The following CRTAC1 variants were observed in gnomAD, a reference collection of about 807,000 sequenced individuals.
CRTAC1 encodes acidic secreted protein in cartilage.
A neutral mutation model predicts 67.8 loss-of-function variants in CRTAC1; 37 were observed. That is an observed-to-expected ratio of 0.55 (90% CI 0.42 to 0.72). The LOEUF (loss-of-function observed/expected upper bound fraction) is 0.72, where lower values mean the gene tolerates loss of function less well. CRTAC1 is among the 30% of genes least tolerant of loss of function. The pLI, the probability that CRTAC1 is intolerant of heterozygous loss-of-function variation, is 0.00. For synonymous variants in CRTAC1, 348 were observed against 371.0 expected (o/e 0.94, Z 0.71); for missense variants, 780 against 931.6 (o/e 0.84, Z 2.12).
intron 1 of CRTAC1, among the ~76,000 whole-genome samples, chr10:98,014,626 A>G (rs1328156828): frequency 6.6e-6 from 1 of 152,230 alleles, no homozygotes; most frequent in African/African-American, 2.4e-5. Context: ...CAAAAAAACT[A>G]AACAACCTGA....
intron 6 of CRTAC1, 82 bp from the exon 7 acceptor site, chr10:97,904,896 A>G (rs2050590078): frequency 7.0e-7 from 1 of 1,432,730 alleles, no homozygotes; most frequent in Non-Finnish European, 9.2e-7. Flanking sequence ...CTCTGTGACA[A>G]GCAACTAGGG....
chr10:98,011,400 A>G, intron 1 of CRTAC1, 63 bp from the exon 2 acceptor site: 27 of 1,600,004 alleles, frequency 1.7e-5, no homozygotes, highest in Non-Finnish European at 2.2e-5. Flanking sequence ...CCGGAACATT[A>G]AAGTCCTGGG....
chr10:97,925,707 T>G (rs1255410024), intron 3 of CRTAC1, among the ~76,000 whole-genome samples: 5 of 54,692 alleles, frequency 9.1e-5, no homozygotes, highest in African/African-American at 1.5e-4. Flanking sequence ...TGTGGGGGGA[T>G]GAGTGAGTGT....
At chr10:98,014,647 ATGACT>A (rs1842962662) in intron 1 of CRTAC1, among the ~76,000 whole-genome samples, 1 of 152,190 alleles carries the variant, frequency 6.6e-6, no homozygotes, top group African/African-American at 2.4e-5. Context: ...CTCAAAACAA[ATGACT>A]TGAATAGACA....
chr10:97,968,317 A>G (rs1459458261), intron 2 of CRTAC1, among the ~76,000 whole-genome samples: 1 of 152,142 alleles, frequency 6.6e-6, no homozygotes, highest in Non-Finnish European at 1.5e-5. Flanking sequence ...ATTTTGGCTC[A>G]CTGCAACCTC....
intron 14 of CRTAC1, chr10:97,868,385 CTG>C (rs1049495060): frequency 1.3e-5 from 2 of 152,414 alleles, no homozygotes; most frequent in Admixed American, 1.3e-4. Flanking sequence ...AGTGCCCACT[CTG>C]TTACCACAGG....
intron 11 of CRTAC1, among the ~76,000 whole-genome samples, chr10:97,891,302 T>A (rs997043746): frequency 8.5e-5 from 13 of 152,148 alleles, no homozygotes; most frequent in African/African-American, 2.4e-4. Context: ...AAAAAAAAAA[T>A]TTCCCAAACA....
intron 1 of CRTAC1, among the ~76,000 whole-genome samples, chr10:98,017,422 G>A (rs1843021643): frequency 6.6e-6 from 1 of 152,146 alleles, no homozygotes; most frequent in African/African-American, 2.4e-5. Context: ...TAAGGGATGT[G>A]GGCTTCTCCT....
intron 11 of CRTAC1, among the ~76,000 whole-genome samples, chr10:97,892,225 A>T (rs1410058911): frequency 6.6e-6 from 1 of 152,216 alleles, no homozygotes; most frequent in Non-Finnish European, 1.5e-5. Context: ...TTCTGGCCAG[A>T]GAAGGGACCA....
intron 8 of CRTAC1, among the ~76,000 whole-genome samples, chr10:97,899,305 C>A (rs1458978979): frequency 2.6e-5 from 4 of 152,204 alleles, no homozygotes; most frequent in East Asian, 3.8e-4. Flanking sequence ...ACACACTAAC[C>A]CATTGGGCAG....
At chr10:97,881,299 G>A (rs565914095) in intron 13 of CRTAC1, among the ~76,000 whole-genome samples, 10 of 152,180 alleles carry the variant, frequency 6.6e-5, no homozygotes, top group Non-Finnish European at 1.3e-4. Flanking sequence ...CCTGTCTCCC[G>A]CTTTTCACTC....
intron 2 of CRTAC1, among the ~76,000 whole-genome samples, chr10:97,981,493 C>T (rs563990868): frequency 6.6e-6 from 1 of 152,322 alleles, no homozygotes; most frequent in African/African-American, 2.4e-5. Flanking sequence ...CACATAATAT[C>T]TCATCACATT....
rs924204813 is a variant in CRTAC1, at chr10:97,901,577, A to G, written c.1059T>C (p.Phe353=). 4 of 1,614,108 alleles carry G rather than the reference A, an allele frequency of 2.5e-6. No individual in the cohort carries two copies. The highest frequency in any genetic ancestry group is 3.3e-5 in the Admixed American group (2 of 60,008). ...AGATCTCCAGCTCCTGGTCATTGTC[A>G]AAGTCGGCGGTGATGACCGTGCGGA... The part of the protein sequence containing the change: ...SPVRTVITAD[F]DNDQELEIFF... The change falls in exon 8 of 15, where the codon TTT becomes TTC. Residue 353 remains phenylalanine (F), a synonymous_variant. Coordinates refer to ENST00000370597, the MANE Select transcript of CRTAC1 (RefSeq NM_018058.7).
At chr10:97,888,850 T>C (rs1053958660) in intron 11 of CRTAC1, among the ~76,000 whole-genome samples, 2 of 152,154 alleles carry the variant, frequency 1.3e-5, no homozygotes, top group African/African-American at 4.8e-5. Context: ...GAGTCACCTC[T>C]GGCAGCTTTT....
At chr10:98,000,806 G>A (rs1451438693) in intron 2 of CRTAC1, among the ~76,000 whole-genome samples, 1 of 152,150 alleles carries the variant, frequency 6.6e-6, no homozygotes, top group Non-Finnish European at 1.5e-5. Flanking sequence ...TGGAAATTGA[G>A]AAAACAAAAT....
chr10:98,001,810 C>T (rs969473496), intron 2 of CRTAC1, among the ~76,000 whole-genome samples: 1 of 152,126 alleles, frequency 6.6e-6, no homozygotes, highest in Non-Finnish European at 1.5e-5. Context: ...CAAAAGTTTC[C>T]TTAGAGGGAA....
chr10:97,869,020 T>C (rs938990713), intron 14 of CRTAC1: 1 of 152,218 alleles, frequency 6.6e-6, no homozygotes. Context: ...GTTAAGTAAC[T>C]GGGAAATTGC....
At chr10:97,929,586 T>C (rs1377597181) in intron 3 of CRTAC1, among the ~76,000 whole-genome samples, 1 of 152,118 alleles carries the variant, frequency 6.6e-6, no homozygotes, top group Non-Finnish European at 1.5e-5. Context: ...GCTGGGGAAG[T>C]AGCCAGCAAC....
At chr10:97,948,120 A>C (rs947408247) in intron 2 of CRTAC1, among the ~76,000 whole-genome samples, 1 of 152,090 alleles carries the variant, frequency 6.6e-6, no homozygotes, top group African/African-American at 2.4e-5. Flanking sequence ...AAAAAAAAAA[A>C]AAAACTCTTC....
Sources: gnomAD v4.1 joint callset for allele counts (sites outside exome capture counted in the v4.1 genomes callset) on GRCh38, gnomAD v4.1.1 for gene constraint, MANE v1.5 for transcripts, NCBI Gene and HGNC (gene_info 2026-07-23, HGNC 2026-07-21) for gene names.